The following TENM3 variants were observed in gnomAD, a reference collection of about 807,000 sequenced individuals.
TENM3 encodes teneurin-3.
Under a neutral mutation model 255.1 loss-of-function variants are expected in TENM3, and 63 were observed. That is an observed-to-expected ratio of 0.25 (90% CI 0.20 to 0.30). TENM3 has a LOEUF of 0.30. Ranked by LOEUF, TENM3 falls within the 10% of genes least tolerant of loss-of-function variation. TENM3 has a pLI of 1.00. For missense variants in TENM3, 2,929 were observed against 3,461.1 expected, an observed-to-expected ratio of 0.85 and a Z score of 3.86; for synonymous variants, 1,306 against 1,322.3, an observed-to-expected ratio of 0.99 and a Z score of 0.27.
the TENM3 span, among the ~76,000 whole-genome samples, chr4:181,890,333 G>A: frequency 2.6e-5 from 4 of 152,250 alleles, no homozygotes; most frequent in South Asian, 2.1e-4. Context: ...CAGGTTACCC[G>A]ATGGCCAGAT....
the TENM3 span, among the ~76,000 whole-genome samples, chr4:181,676,971 C>T: frequency 6.7e-6 from 1 of 148,630 alleles, no homozygotes; most frequent in African/African-American, 2.5e-5. Context: ...GTCACATGAC[C>T]TATGCTCCCG....
chr4:181,613,026 T>G, the TENM3 span, among the ~76,000 whole-genome samples: 1 of 152,334 alleles, frequency 6.6e-6, no homozygotes, highest in East Asian at 1.9e-4. Flanking sequence ...TTCTAACATT[T>G]TATTTGTTCT....
intron 3 of TENM3, among the ~76,000 whole-genome samples, chr4:182,472,972 A>G (rs565679063): frequency 1.3e-5 from 2 of 152,250 alleles, no homozygotes; most frequent in South Asian, 4.1e-4. Flanking sequence ...TATCATGACT[A>G]TTCAGTGTCC....
At chr4:182,796,573 A>G in intron 26 of TENM3, 64 bp from the exon 27 acceptor site, 1 of 1,415,592 alleles carries the variant, frequency 7.1e-7, no homozygotes. Context: ...TAAGGTAAGA[A>G]TTTAAATTTA....
the TENM3 span, among the ~76,000 whole-genome samples, chr4:181,698,823 AT>A: frequency 6.6e-6 from 1 of 152,230 alleles, no homozygotes; most frequent in East Asian, 1.9e-4. Flanking sequence ...TCAATTATTC[AT>A]TTAATGCAAA....
the TENM3 span, among the ~76,000 whole-genome samples, chr4:181,469,853 A>C: frequency 6.6e-6 from 1 of 152,242 alleles, no homozygotes; most frequent in South Asian, 2.1e-4. Flanking sequence ...TTAAGCCTTT[A>C]AAATATCACT....
At chr4:182,664,862 A>G (rs10000871) in intron 6 of TENM3, among the ~76,000 whole-genome samples, 2,771 of 152,324 alleles carry the variant, frequency 0.018, 86 homozygotes, top group African/African-American at 0.063. Context: ...GCTGCAGAAT[A>G]AAAGTTTGAA....
At chr4:182,113,860 CTATT>C in the TENM3 span, among the ~76,000 whole-genome samples, 1 of 152,166 alleles carries the variant, frequency 6.6e-6, no homozygotes, top group Non-Finnish European at 1.5e-5. Context: ...GGATGGGACT[CTATT>C]TAAGTGAATT....
At chr4:181,544,952 G>A in the TENM3 span, among the ~76,000 whole-genome samples, 1 of 152,212 alleles carries the variant, frequency 6.6e-6, no homozygotes, top group East Asian at 1.9e-4. Flanking sequence ...GCTAGAAGCA[G>A]ATGAAATTAT....
intron 22 of TENM3, among the ~76,000 whole-genome samples, chr4:182,768,607 G>A (rs1245751631): frequency 1.3e-5 from 2 of 152,102 alleles, no homozygotes; most frequent in Non-Finnish European, 2.9e-5. Context: ...GGAGCTTCAC[G>A]TCAGGTTGAA....
chr4:182,173,058 A>T (rs1011605059), intron 1 of TENM3, among the ~76,000 whole-genome samples: 22 of 152,230 alleles, frequency 1.4e-4, no homozygotes, highest in African/African-American at 5.3e-4. Context: ...GATTCTGAGA[A>T]TAAATGTTAA....
At chr4:181,821,903 A>G in the TENM3 span, among the ~76,000 whole-genome samples, 1 of 152,326 alleles carries the variant, frequency 6.6e-6, no homozygotes, top group Non-Finnish European at 1.5e-5. Flanking sequence ...CAAGGCAACA[A>G]TAGATCACGT....
At chr4:181,797,237 C>T in the TENM3 span, among the ~76,000 whole-genome samples, 1 of 151,426 alleles carries the variant, frequency 6.6e-6, no homozygotes, top group South Asian at 2.1e-4. Flanking sequence ...CTACTGATAA[C>T]GTGACCTCTT....
the TENM3 span, among the ~76,000 whole-genome samples, chr4:181,892,601 T>C: frequency 6.6e-6 from 1 of 152,214 alleles, no homozygotes; most frequent in Non-Finnish European, 1.5e-5. Flanking sequence ...AGGAATTGTT[T>C]CTTGCCTCTT....
At chr4:182,162,824 T>TA (rs1260960416) in intron 1 of TENM3, among the ~76,000 whole-genome samples, 1 of 152,182 alleles carries the variant, frequency 6.6e-6, no homozygotes, top group Non-Finnish European at 1.5e-5. Flanking sequence ...TTTATGACAC[T>TA]AATTCCATCC....
the TENM3 span, among the ~76,000 whole-genome samples, chr4:181,540,297 T>C: frequency 1.3e-5 from 2 of 152,090 alleles, no homozygotes; most frequent in Admixed American, 1.3e-4. Context: ...CAAGTACTGA[T>C]ATAAGCACAT....
At chr4:182,652,799 T>TTC (rs1468378072) in intron 5 of TENM3, among the ~76,000 whole-genome samples, 2 of 152,136 alleles carry the variant, frequency 1.3e-5, no homozygotes, top group Admixed American at 6.5e-5. Flanking sequence ...CAAAAAAAAG[T>TTC]TCTCTTTCAT....
At chr4:181,893,828 A>G in the TENM3 span, among the ~76,000 whole-genome samples, 354 of 152,246 alleles carry the variant, frequency 2.3e-3, 3 homozygotes, top group African/African-American at 8.1e-3. Context: ...AGCCATCCCG[A>G]TATTTTACCA....
At chr4:181,850,868 A>C in the TENM3 span, among the ~76,000 whole-genome samples, 1 of 152,074 alleles carries the variant, frequency 6.6e-6, no homozygotes, top group Admixed American at 6.6e-5. Flanking sequence ...ATTGCCTCTT[A>C]TTTCCGGTTT....
Sources: gnomAD v4.1 joint callset for allele counts (sites outside exome capture counted in the v4.1 genomes callset) on GRCh38, gnomAD v4.1.1 for gene constraint, MANE v1.5 for transcripts, NCBI Gene and HGNC (gene_info 2026-07-23, HGNC 2026-07-21) for gene names.